The following CDH8 variants were observed in gnomAD, a reference collection of about 807,000 sequenced individuals.
The protein encoded by CDH8 is cadherin-8.
Under a neutral mutation model 68.1 loss-of-function variants are expected in CDH8, and 17 were observed. That is an observed-to-expected ratio of 0.25 (90% CI 0.17 to 0.37). The LOEUF is 0.37. CDH8 is among the 10% of genes least tolerant of loss of function. The probability of loss-of-function intolerance (pLI) is 1.00; values close to 1 mark genes in which losing one functional copy is unlikely to be tolerated. For missense variants in CDH8, 763 were observed against 999.3 expected, an observed-to-expected ratio of 0.76 and a Z score of 3.19; for synonymous variants, 372 against 365.1, an observed-to-expected ratio of 1.02 and a Z score of -0.21.
intron 10 of CDH8, among the ~76,000 whole-genome samples, chr16:61,695,988 T>C (rs947838803): frequency 5.3e-5 from 8 of 152,312 alleles, no homozygotes; most frequent in African/African-American, 1.9e-4. Context: ...AAAAAAAGTT[T>C]TCCTGCTGTA....
chr16:61,800,310 C>T (rs994822733), intron 7 of CDH8, among the ~76,000 whole-genome samples: 49 of 152,130 alleles, frequency 3.2e-4, no homozygotes, highest in African/African-American at 1.1e-3. Flanking sequence ...ACGGTCTCAC[C>T]CGGTCTTGTA....
Position 61,713,947 on chromosome 16 carries a change from A to G in CDH8, c.1548T>C (p.Thr516=), listed in dbSNP as rs755124585. 3 of 1,593,238 alleles carry G rather than the reference A, an allele frequency of 1.9e-6. No individual in the cohort carries two copies. The South Asian group carries it at 3.3e-5, about 18-fold the overall frequency. ...ENGKPGQVIQ[T]VSAMDKDDPK... is the part of the protein sequence containing the mutation. ...GATCATCTTTGTCCATGGCGCTAAC[A>G]GTTTGAATGACCTGAAACATAAAAC... Residue 516 remains threonine (T), a synonymous_variant, in exon 10 of 12, where the codon ACT becomes ACC. Transcript: ENST00000577390.
chr16:61,812,864 C>T (rs1198663166), intron 7 of CDH8, among the ~76,000 whole-genome samples: 2 of 152,144 alleles, frequency 1.3e-5, no homozygotes, highest in African/African-American at 4.8e-5. Context: ...CGTGCTATAT[C>T]ACTAAGTACA....
chr16:61,691,381 G>A (rs1258651823), intron 10 of CDH8, among the ~76,000 whole-genome samples: 1 of 149,936 alleles, frequency 6.7e-6, no homozygotes, highest in Non-Finnish European at 1.5e-5. Context: ...TCCTCAGTTT[G>A]TTTTCTTGCA....
chr16:61,756,992 T>C (rs1960336208), intron 8 of CDH8, among the ~76,000 whole-genome samples: 1 of 152,206 alleles, frequency 6.6e-6, no homozygotes, highest in African/African-American at 2.4e-5. Flanking sequence ...AGTTCTCGAT[T>C]AAAATATCTT....
intron 3 of CDH8, among the ~76,000 whole-genome samples, chr16:61,882,731 G>C (rs1445248572): frequency 6.6e-6 from 1 of 152,132 alleles, no homozygotes; most frequent in African/African-American, 2.4e-5. Context: ...GAGGGTGAAG[G>C]GTGGGAAGAA....
Position 61,653,532 on chromosome 16 carries a change from A to G in CDH8, c.*76T>C. ...ACTTGCCTCTAAAACAAATAGCCAC[A>G]TTGGTTGTATCTAAGGGGAGTGACC... On this transcript the variant is annotated 3_prime_UTR_variant, in exon 12 of 12. Coordinates refer to ENST00000577390, the MANE Select transcript of CDH8 (RefSeq NM_001796.5). The G allele has an allele frequency of 1.3e-6, 2 of 1,514,536 alleles. No individual in the cohort carries two copies. The highest frequency in any genetic ancestry group is 1.8e-6 in the Non-Finnish European group (2 of 1,132,948). The allele number at this position is 1,514,536 out of a possible 1,614,324, so 93.8% of individuals were successfully genotyped here.
At chr16:61,698,945 TC>T (rs1233386540) in intron 10 of CDH8, among the ~76,000 whole-genome samples, 1 of 152,218 alleles carries the variant, frequency 6.6e-6, no homozygotes, top group Non-Finnish European at 1.5e-5. Flanking sequence ...GTTTGGAAAT[TC>T]CTGCTGCCAT....
intron 3 of CDH8, among the ~76,000 whole-genome samples, chr16:61,865,018 C>T (rs1038963731): frequency 1.3e-5 from 2 of 152,154 alleles, no homozygotes; most frequent in African/African-American, 2.4e-5. Flanking sequence ...ATGATTAGTT[C>T]CCTATCTTTC....
intron 8 of CDH8, among the ~76,000 whole-genome samples, chr16:61,779,222 T>A (rs1960978569): frequency 6.6e-6 from 1 of 152,162 alleles, no homozygotes; most frequent in Non-Finnish European, 1.5e-5. Context: ...TGAAGGACAT[T>A]TTAAAATGAG....
chr16:61,864,698 G>C (rs1430041576), intron 3 of CDH8, among the ~76,000 whole-genome samples: 1 of 152,082 alleles, frequency 6.6e-6, no homozygotes, highest in East Asian at 1.9e-4. Context: ...TTTAACCCTG[G>C]ATATGGAGAT....
chr16:61,948,981 C>T (rs1011594721), intron 2 of CDH8, among the ~76,000 whole-genome samples: 2 of 152,112 alleles, frequency 1.3e-5, no homozygotes, highest in Admixed American at 6.6e-5. Flanking sequence ...CAGTACCTAC[C>T]GTGTGTATCT....
chr16:61,977,333 A>C (rs189701962), intron 2 of CDH8, among the ~76,000 whole-genome samples: 202 of 152,280 alleles, frequency 1.3e-3, no homozygotes, highest in African/African-American at 4.3e-3. Context: ...ACAAATCTTA[A>C]AAATTGTAGG....
intron 4 of CDH8, among the ~76,000 whole-genome samples, chr16:61,838,103 G>A (rs1432969463): frequency 6.6e-6 from 1 of 151,950 alleles, no homozygotes; most frequent in Non-Finnish European, 1.5e-5. Context: ...CAAAGATTAA[G>A]TGGCTTGTGC....
intron 2 of CDH8, among the ~76,000 whole-genome samples, chr16:62,004,438 A>G (rs756893732): frequency 2.0e-5 from 3 of 152,348 alleles, no homozygotes; most frequent in Non-Finnish European, 2.9e-5. Flanking sequence ...CTTGACCAGC[A>G]GAGGTCAATA....
chr16:61,688,121 T>G (rs74023220), intron 10 of CDH8, among the ~76,000 whole-genome samples: 10,475 of 152,008 alleles, frequency 0.069, 1,253 homozygotes, highest in African/African-American at 0.24. Context: ...CAATATGCTG[T>G]ACTTTTAGAG....
chr16:61,897,500 T>C (rs987535126), intron 3 of CDH8, among the ~76,000 whole-genome samples: 7 of 152,180 alleles, frequency 4.6e-5, no homozygotes, highest in Non-Finnish European at 8.8e-5. Context: ...TATCTGAAAA[T>C]GGACTTGATG....
At chr16:61,846,310 C>T (rs1962805483) in intron 4 of CDH8, among the ~76,000 whole-genome samples, 1 of 151,962 alleles carries the variant, frequency 6.6e-6, no homozygotes, top group Non-Finnish European at 1.5e-5. Context: ...AGAAAACATC[C>T]AATTGGTATA....
At chr16:61,713,011 C>A (rs1293529504) in intron 10 of CDH8, among the ~76,000 whole-genome samples, 2 of 151,484 alleles carry the variant, frequency 1.3e-5, no homozygotes, top group African/African-American at 2.4e-5. Context: ...TAAACAGATA[C>A]CTGCAGTAAA....
Sources: gnomAD v4.1 joint callset for allele counts (sites outside exome capture counted in the v4.1 genomes callset) on GRCh38, gnomAD v4.1.1 for gene constraint, MANE v1.5 for transcripts, NCBI Gene and HGNC (gene_info 2026-07-23, HGNC 2026-07-21) for gene names.